The following LRP1B variants were observed in gnomAD, a reference collection of about 807,000 sequenced individuals.
LRP1B encodes the protein LDL receptor related protein 1B, also known as low-density lipoprotein receptor-related protein 1B.
A neutral mutation model predicts 556.6 loss-of-function variants in LRP1B; 217 were observed. The ratio of observed to expected loss-of-function variants is 0.39; its 90% confidence interval spans 0.35 to 0.44. LRP1B has a LOEUF of 0.44. Ranked by LOEUF, LRP1B falls within the 20% of genes least tolerant of loss-of-function variation. The pLI is 1.00. For missense variants in LRP1B, 5,053 were observed against 5,620.8 expected, an observed-to-expected ratio of 0.90 and a Z score of 3.23; for synonymous variants, 2,047 against 1,865.8, an observed-to-expected ratio of 1.10 and a Z score of -2.50.
At chr2:140,268,392 C>T (rs565477227) in intron 86 of LRP1B, among the ~76,000 whole-genome samples, 6 of 151,936 alleles carry the variant, frequency 3.9e-5, no homozygotes, top group African/African-American at 1.4e-4. Context: ...AACAAAACTC[C>T]TTCAGCTCAA....
chr2:140,803,259 A>ATTTTTT (rs1445594103), intron 32 of LRP1B, among the ~76,000 whole-genome samples: 1 of 58,304 alleles, frequency 1.7e-5, no homozygotes, highest in Non-Finnish European at 4.1e-5. Flanking sequence ...TCCTATTGAA[A>ATTTTTT]GTTTTTTTTT....
rs760824823 is a variant in LRP1B, at chr2:140,358,057, T to C, written c.11317A>G (p.Lys3773Glu). The C allele has an allele frequency of 6.2e-7, 1 of 1,611,602 alleles. No homozygotes were observed. The highest frequency in any genetic ancestry group is 1.1e-5 in the South Asian group (1 of 90,984). ...CACTGGAGATCCATAGGGATGCATT[T>C]TTTATTACTACAAGCAAACTCATCC... ...KKDEFACSNKKCIPMDLQCDR... is the reference protein window; with the variant it reads ...KKDEFACSNKECIPMDLQCDR... The change falls in exon 74 of 91, where the codon AAA becomes GAA. Residue 3773 changes from lysine (K) to glutamate (E), a missense_variant. By Grantham distance (56) the Lys-to-Glu change is moderately conservative. This residue lies in a region of LRP1B where 599 missense variants were observed against 648.4 expected (regional missense o/e 0.92). Transcript: ENST00000389484.
intron 2 of LRP1B, among the ~76,000 whole-genome samples, chr2:141,693,365 G>A (rs1442090558): frequency 6.6e-6 from 1 of 151,952 alleles, no homozygotes; most frequent in Non-Finnish European, 1.5e-5. Context: ...ATCTCCGGGA[G>A]TAAGATTAAA....
chr2:140,782,414 G>C (rs1689731539), intron 32 of LRP1B, among the ~76,000 whole-genome samples: 1 of 152,122 alleles, frequency 6.6e-6, no homozygotes. Context: ...TTGGGACACA[G>C]ATATGCACTG....
chr2:140,528,363 T>C (rs1159633974), intron 47 of LRP1B, among the ~76,000 whole-genome samples: 2 of 151,964 alleles, frequency 1.3e-5, no homozygotes, highest in African/African-American at 4.8e-5. Context: ...AAATAAATTT[T>C]AACTTTGAAG....
chr2:140,432,800 A>G (rs1686009153), intron 66 of LRP1B, among the ~76,000 whole-genome samples: 1 of 152,242 alleles, frequency 6.6e-6, no homozygotes, highest in Non-Finnish European at 1.5e-5. Flanking sequence ...TGGCTGACAG[A>G]CATACCTGTG....
chr2:141,210,439 T>C (rs1351529141), intron 6 of LRP1B, among the ~76,000 whole-genome samples: 1 of 152,222 alleles, frequency 6.6e-6, no homozygotes, highest in East Asian at 1.9e-4. Context: ...TATCTTTACT[T>C]CCTTCTTTCT....
intron 3 of LRP1B, among the ~76,000 whole-genome samples, chr2:141,459,004 T>C (rs896362055): frequency 2.0e-5 from 3 of 152,212 alleles, no homozygotes; most frequent in African/African-American, 7.2e-5. Context: ...TCCAGGTTTC[T>C]AAAACAGACA....
At chr2:141,358,075 A>G (rs1688689048) in intron 3 of LRP1B, among the ~76,000 whole-genome samples, 1 of 152,220 alleles carries the variant, frequency 6.6e-6, no homozygotes, top group African/African-American at 2.4e-5. Context: ...TGAATAGGGT[A>G]TCAACTCCTC....
At chr2:141,185,695 A>AC (rs1466170731) in intron 7 of LRP1B, among the ~76,000 whole-genome samples, 1 of 146,438 alleles carries the variant, frequency 6.8e-6, no homozygotes, top group Non-Finnish European at 1.5e-5. Context: ...AACAAAAAAA[A>AC]ACAAAAAAAA....
At chr2:141,234,665 C>A (rs989483440) in intron 5 of LRP1B, among the ~76,000 whole-genome samples, 8 of 152,226 alleles carry the variant, frequency 5.3e-5, no homozygotes, top group African/African-American at 1.7e-4. Context: ...GCATGAGCCA[C>A]TGTACTCAGC....
At chr2:140,886,760 T>C (rs1278766021) in intron 23 of LRP1B, among the ~76,000 whole-genome samples, 1 of 152,128 alleles carries the variant, frequency 6.6e-6, no homozygotes, top group African/African-American at 2.4e-5. Flanking sequence ...AGAGGAGAAC[T>C]ATCCAACAAC....
chr2:141,089,117 C>G (rs368865222), intron 7 of LRP1B, among the ~76,000 whole-genome samples: 1 of 152,178 alleles, frequency 6.6e-6, no homozygotes, highest in African/African-American at 2.4e-5. Context: ...TAGAATGTTA[C>G]GCAGCCATGT....
At chr2:141,344,462 A>C (rs1006807205) in intron 3 of LRP1B, among the ~76,000 whole-genome samples, 1 of 152,058 alleles carries the variant, frequency 6.6e-6, no homozygotes, top group Non-Finnish European at 1.5e-5. Flanking sequence ...TCTCTGTTTC[A>C]AATGTTCTTT....
intron 32 of LRP1B, among the ~76,000 whole-genome samples, chr2:140,780,288 AT>A (rs1457229261): frequency 6.6e-6 from 1 of 152,212 alleles, no homozygotes; most frequent in East Asian, 1.9e-4. Flanking sequence ...TTATAAAAAT[AT>A]TAAAGGATAA....
intron 84 of LRP1B, among the ~76,000 whole-genome samples, chr2:140,277,587 G>C (rs1189170605): frequency 1.3e-5 from 2 of 151,650 alleles, no homozygotes; most frequent in African/African-American, 4.8e-5. Flanking sequence ...TCCAGCCTGG[G>C]CAACAAGAGT....
intron 1 of LRP1B, among the ~76,000 whole-genome samples, chr2:141,851,190 AT>A (rs1697843759): frequency 6.6e-6 from 1 of 151,874 alleles, no homozygotes; most frequent in Non-Finnish European, 1.5e-5. Flanking sequence ...TTTGAAAGAC[AT>A]AAAAATGTGA....
chr2:141,169,168 C>A (rs1460103565), intron 7 of LRP1B, among the ~76,000 whole-genome samples: 1 of 151,584 alleles, frequency 6.6e-6, no homozygotes, highest in Non-Finnish European at 1.5e-5. Flanking sequence ...CCCCTATAGT[C>A]CCAGCTACTT....
At chr2:140,625,409 T>C (rs1174802286) in intron 41 of LRP1B, among the ~76,000 whole-genome samples, 2 of 152,170 alleles carry the variant, frequency 1.3e-5, no homozygotes, top group East Asian at 3.8e-4. Flanking sequence ...AAAAGCCTGT[T>C]CTGCAAATGA....
Sources: allele counts gnomAD v4.1 joint callset (sites outside exome capture counted in the v4.1 genomes callset), GRCh38; gene constraint gnomAD v4.1.1; regional missense constraint gnomAD v4.1.1; transcripts MANE v1.5; gene names NCBI Gene and HGNC (gene_info 2026-07-23, HGNC 2026-07-21).